COG5: variants seen among roughly 807,000 people sequenced by gnomAD.
COG5 encodes the protein component of oligomeric golgi complex 5.
A neutral mutation model predicts 110.4 loss-of-function variants in COG5; 86 were observed. The ratio of observed to expected loss-of-function variants is 0.78; its 90% CI spans 0.65 to 0.93. COG5 has a LOEUF of 0.93. COG5 is among the 40% of genes least tolerant of loss of function. The pLI, the probability that COG5 is intolerant of heterozygous loss-of-function variation, is 0.00. For missense variants in COG5, 1,077 were observed against 987.0 expected (o/e 1.09, Z -1.22); for synonymous variants, 360 against 334.6 (o/e 1.08, Z -0.83).
chr7:107,302,233 A>G (rs1807326741), intron 11 of COG5, among the ~76,000 whole-genome samples: 1 of 152,218 alleles, frequency 6.6e-6, no homozygotes, highest in Non-Finnish European at 1.5e-5. Context: ...GAATCTCAAT[A>G]AAATCATGCT....
chr7:107,240,776 A>G (rs1801555765), intron 17 of COG5, among the ~76,000 whole-genome samples: 1 of 152,224 alleles, frequency 6.6e-6, no homozygotes, highest in African/African-American at 2.4e-5. Flanking sequence ...CAGAATTACT[A>G]ATCACAAGAT....
intron 7 of COG5, among the ~76,000 whole-genome samples, chr7:107,383,924 A>C (rs1191420188): frequency 6.6e-6 from 1 of 152,200 alleles, no homozygotes; most frequent in African/African-American, 2.4e-5. Flanking sequence ...GGTTAAGCTC[A>C]GGGGAAGAGA....
At chr7:107,343,795 G>C (rs1322599226) in intron 10 of COG5, among the ~76,000 whole-genome samples, 1 of 152,014 alleles carries the variant, frequency 6.6e-6, no homozygotes, top group African/African-American at 2.4e-5. Context: ...AACAACATTA[G>C]TCTCCTTATA....
At chr7:107,480,407 C>T (rs1162309903) in intron 6 of COG5, among the ~76,000 whole-genome samples, 1 of 152,096 alleles carries the variant, frequency 6.6e-6, no homozygotes, top group African/African-American at 2.4e-5. Flanking sequence ...TAAGCCCCCA[C>T]TCAGGGACTG....
At chr7:107,451,479 A>C (rs1360344583) in intron 6 of COG5, among the ~76,000 whole-genome samples, 6 of 152,190 alleles carry the variant, frequency 3.9e-5, no homozygotes, top group African/African-American at 1.4e-4. Flanking sequence ...TACCATACAG[A>C]AACATTTTTA....
At chr7:107,241,895 C>T (rs1264799707) in intron 17 of COG5, among the ~76,000 whole-genome samples, 1 of 152,116 alleles carries the variant, frequency 6.6e-6, no homozygotes, top group East Asian at 1.9e-4. Flanking sequence ...CATCCCCTTG[C>T]CTTAGCTCCC....
chr7:107,476,376 G>C (rs1296067708), intron 6 of COG5, among the ~76,000 whole-genome samples: 1 of 150,750 alleles, frequency 6.6e-6, no homozygotes, highest in Admixed American at 6.6e-5. Context: ...TACAACTTTA[G>C]GGTAATACAC....
chr7:107,475,041 A>C (rs1563055961), intron 6 of COG5: 3 of 1,612,778 alleles, frequency 1.9e-6, no homozygotes, highest in Non-Finnish European at 2.5e-6. Flanking sequence ...TCTGCTGGAC[A>C]CCAATTTCTG....
rs183539777 is a variant in COG5 at position 107,287,953 on chromosome 7, T to C, written c.1314-4221A>G. Among the ~76,000 whole-genome samples, 100 of 152,364 alleles carry C rather than the reference T, an allele frequency of 6.6e-4. 1 individual carries two copies. The highest frequency in any genetic ancestry group is 1.9e-4 in the East Asian group (1 of 5,190). ...TTTGGTTGTTTCCATCTTTTGGCTA[T>C]CAGGAATAATGCTGCTACAAACATT... On this transcript the variant is annotated intron_variant, in intron 12 of 21. Coordinates refer to ENST00000297135, the MANE Select transcript of COG5 (RefSeq NM_006348.5).
chr7:107,231,419 A>G (rs143151118), intron 18 of COG5, among the ~76,000 whole-genome samples: 10 of 152,142 alleles, frequency 6.6e-5, no homozygotes, highest in Admixed American at 2.0e-4. Flanking sequence ...ACTTCTCTTT[A>G]TTTTCCTCCT....
chr7:107,407,186 A>G (rs1376157845), intron 7 of COG5, among the ~76,000 whole-genome samples: 1 of 152,142 alleles, frequency 6.6e-6, no homozygotes. Flanking sequence ...GTTTGAGACC[A>G]GTCTGGCCAA....
At chr7:107,505,478 G>C (rs1378221038) in intron 6 of COG5, among the ~76,000 whole-genome samples, 1 of 152,154 alleles carries the variant, frequency 6.6e-6, no homozygotes, top group Non-Finnish European at 1.5e-5. Flanking sequence ...CTCCTCCTGT[G>C]GGGATGCAGT....
intron 6 of COG5, among the ~76,000 whole-genome samples, chr7:107,466,191 G>C (rs1417396647): frequency 1.3e-5 from 2 of 152,122 alleles, no homozygotes; most frequent in Non-Finnish European, 2.9e-5. Flanking sequence ...GGGATAGTAA[G>C]CAGTCAAAAC....
chr7:107,413,584 G>A (rs779036443), intron 6 of COG5, among the ~76,000 whole-genome samples: 8 of 150,126 alleles, frequency 5.3e-5, no homozygotes, highest in Admixed American at 4.0e-4. Context: ...AAACCCCAGC[G>A]ACTGCCCTTC....
intron 17 of COG5, 72 bp from the exon 18 acceptor site, chr7:107,236,759 C>T (rs563968029): frequency 1.5e-5 from 14 of 920,318 alleles, no homozygotes; most frequent in South Asian, 5.2e-5. Context: ...TACCCCTCTC[C>T]CCACCAATGC....
At chr7:107,216,743 G>A (rs1001607848) in intron 19 of COG5, among the ~76,000 whole-genome samples, 2 of 152,120 alleles carry the variant, frequency 1.3e-5, no homozygotes, top group Non-Finnish European at 2.9e-5. Flanking sequence ...ATGGGATACA[G>A]CAAAAGCAGT....
At chr7:107,245,786 G>A (rs533072298) in intron 17 of COG5, among the ~76,000 whole-genome samples, 2 of 152,206 alleles carry the variant, frequency 1.3e-5, no homozygotes, top group South Asian at 4.2e-4. Flanking sequence ...TGGCTATACT[G>A]CCCAAAGCAA....
At position 107,316,555 on chromosome 7, in the gene COG5, T is replaced by C. The variant is rs769432680; in HGVS notation, c.1108+7885A>G. Among the ~76,000 whole-genome samples, 34 of 150,498 alleles carry C rather than the reference T, an allele frequency of 2.3e-4. 1 individual carries two copies. Among genetic ancestry groups the C allele is most frequent in the African/African-American group, 7.1e-4 (29 of 40,882 alleles). On this transcript the variant is annotated intron_variant, in intron 11 of 21. Transcript: ENST00000297135. ...CAGGCAGGGCGTGGTGGCTCTCGCC[T>C]GTAATCCCGGCACTTTGGGAGGCCA...
chr7:107,420,720 C>G (rs1793227982), intron 6 of COG5, among the ~76,000 whole-genome samples: 1 of 152,216 alleles, frequency 6.6e-6, no homozygotes, highest in Admixed American at 6.5e-5. Context: ...CTCGGCATCC[C>G]AAAGTGCTGG....
Sources: gnomAD v4.1 joint callset for allele counts (sites outside exome capture counted in the v4.1 genomes callset) on GRCh38, gnomAD v4.1.1 for gene constraint, MANE v1.5 for transcripts, NCBI Gene and HGNC (gene_info 2026-07-23, HGNC 2026-07-21) for gene names.